Variants in ORC2 observed in about 807,000 individuals in gnomAD.
ORC2 encodes the protein origin recognition complex protein 2 homolog.
Under a neutral mutation model 77.7 loss-of-function variants are expected in ORC2, and 37 were observed. That is an observed-to-expected ratio of 0.48 (90% CI 0.37 to 0.63). The LOEUF (loss-of-function observed/expected upper bound fraction) is 0.63. Among genes scored for constraint, ORC2 ranks in the 20% least tolerant of loss-of-function variants. The pLI is 0.00. For missense variants in ORC2, 557 were observed against 661.9 expected (o/e 0.84, Z 1.74); for synonymous variants, 201 against 229.5 (o/e 0.88, Z 1.12).
chr2:200,914,757 T>C (rs554049141), intron 15 of ORC2, among the ~76,000 whole-genome samples: 1 of 152,080 alleles, frequency 6.6e-6, no homozygotes, highest in Non-Finnish European at 1.5e-5. Context: ...AAAAATAAAA[T>C]ATGAAAGTAT....
At chr2:200,962,387 T>A (rs532451312) in intron 1 of ORC2, among the ~76,000 whole-genome samples, 2 of 152,376 alleles carry the variant, frequency 1.3e-5, no homozygotes, top group East Asian at 3.9e-4. Context: ...AGATTTGCTG[T>A]AATTTTTAAA....
At chr2:200,915,532 T>C (rs2040632718) in intron 15 of ORC2, among the ~76,000 whole-genome samples, 1 of 152,172 alleles carries the variant, frequency 6.6e-6, no homozygotes. Flanking sequence ...AATTATTCCA[T>C]GGAAGAGTGA....
chr2:200,957,010 G>A (rs886803537), intron 4 of ORC2, among the ~76,000 whole-genome samples: 4 of 152,058 alleles, frequency 2.6e-5, no homozygotes, highest in Admixed American at 1.3e-4. Context: ...CACAGCCTGC[G>A]GGTGGGTGGA....
intron 7 of ORC2, among the ~76,000 whole-genome samples, chr2:200,940,199 T>C (rs1163893452): frequency 6.6e-6 from 1 of 152,218 alleles, no homozygotes; most frequent in Non-Finnish European, 1.5e-5. Context: ...ACAATGCATA[T>C]AGCATTCTTG....
At chr2:200,914,126 T>G in intron 15 of ORC2, 134 bp from the exon 16 acceptor site, 2 of 583,652 alleles carry the variant, frequency 3.4e-6, no homozygotes, top group Non-Finnish European at 6.0e-6. Flanking sequence ...CCAAGGAATA[T>G]CATATCCTTG....
rs1219090440 is a variant in ORC2 at position 200,935,091 on chromosome 2, A to AT, written c.708+607dup. 3.9e-5 allele frequency among the ~76,000 whole-genome samples: 6 copies of AT among 152,250 alleles called. No individual in the cohort carries two copies. In the East Asian group the frequency reaches 9.6e-4, roughly 24 times the overall value. ...TAAAAGTTCATTTTTTATTTTTGTT[A>AT]TTTTTTATTCTAATCCCATAGCTTA... On this transcript the variant is annotated intron_variant, in intron 9 of 17. Transcript: ENST00000234296.
At chr2:200,959,024 T>A (rs929796145) in intron 2 of ORC2, among the ~76,000 whole-genome samples, 3 of 152,232 alleles carry the variant, frequency 2.0e-5, no homozygotes, top group Non-Finnish European at 4.4e-5. Context: ...TCTCTTTTCT[T>A]TCTTTTTTTA....
chr2:200,920,969 G>T, intron 14 of ORC2, 24 bp downstream of exon 14: 1 of 1,492,346 alleles, frequency 6.7e-7, no homozygotes, highest in Non-Finnish European at 9.0e-7. Context: ...TCTCTAGAAG[G>T]AAAAATAGTA....
chr2:200,962,890 T>C (rs1175021966), intron 1 of ORC2, among the ~76,000 whole-genome samples: 1 of 152,202 alleles, frequency 6.6e-6, no homozygotes, highest in Non-Finnish European at 1.5e-5. Context: ...ATTAAAAAGC[T>C]CTACCAAAAG....
At chr2:200,916,204 TG>T (rs893455948) in intron 15 of ORC2, among the ~76,000 whole-genome samples, 2 of 152,130 alleles carry the variant, frequency 1.3e-5, no homozygotes, top group African/African-American at 4.8e-5. Context: ...TGCATTAGAC[TG>T]GGCATGGTGG....
At chr2:200,953,455 G>A (rs979311638) in intron 4 of ORC2, among the ~76,000 whole-genome samples, 3 of 151,118 alleles carry the variant, frequency 2.0e-5, no homozygotes, top group African/African-American at 4.9e-5. Context: ...TGGTAAGAAC[G>A]TGGAGAAATT....
At chr2:200,946,037 C>T (rs2041243885) in intron 5 of ORC2, among the ~76,000 whole-genome samples, 1 of 152,090 alleles carries the variant, frequency 6.6e-6, no homozygotes, top group African/African-American at 2.4e-5. Flanking sequence ...CTTTTGTTTA[C>T]ATTTATTTTC....
Position 200,911,327 on chromosome 2 carries a change from A to G in ORC2, c.1708T>C (p.Leu570=). ...PVDNGTLTDF[L]EKEEEEA Reference sequence around the variant, plus strand: ...CAAGCCTCCTCTTCTTCCTTTTCCAAGAAATCAGTCAATGTTCCATTATCA... The same window carrying G: ...CAAGCCTCCTCTTCTTCCTTTTCCAGGAAATCAGTCAATGTTCCATTATCA... Residue 570 remains leucine (L), a synonymous_variant, in exon 18 of 18, where the codon TTG becomes CTG. Coordinates refer to ENST00000234296, the MANE Select transcript of ORC2 (RefSeq NM_006190.5). 6.2e-7 allele frequency: 1 copy of G among 1,609,210 alleles called. No homozygotes were observed. Among genetic ancestry groups the G allele is most frequent in the Non-Finnish European group, 8.5e-7 (1 of 1,175,516 alleles).
intron 5 of ORC2, among the ~76,000 whole-genome samples, chr2:200,947,313 C>T (rs1298583266): frequency 1.3e-5 from 2 of 152,148 alleles, no homozygotes; most frequent in Non-Finnish European, 2.9e-5. Flanking sequence ...TTTAATGTTA[C>T]ACATTTTAGA....
chr2:200,911,108 G>C lies in ORC2; in HGVS notation c.*193C>G, dbSNP rs549202533. On this transcript the variant is annotated 3_prime_UTR_variant, in exon 18 of 18. Coordinates refer to ENST00000234296, the MANE Select transcript of ORC2 (RefSeq NM_006190.5). ...GCACATTTTCTCCAACTTGAGGACCGCTGCATAGTACTAGACGGTACCAGC... is the reference window on the plus strand; with the variant it reads ...GCACATTTTCTCCAACTTGAGGACCCCTGCATAGTACTAGACGGTACCAGC... 35 of 470,314 alleles carry C rather than the reference G, an allele frequency of 7.4e-5. 1 individual carries two copies. In the South Asian group the frequency reaches 1.2e-3, roughly 16 times the overall value. 29.1% of individuals were successfully genotyped at this position (470,314 alleles called of 1,614,324 possible). A position where few individuals can be genotyped will look rare whatever the true frequency, so the allele number is the denominator to read the frequency against.
intron 8 of ORC2, 68 bp downstream of exon 8, chr2:200,937,838 C>T: frequency 9.6e-7 from 1 of 1,043,204 alleles, no homozygotes; most frequent in Non-Finnish European, 1.5e-6. Flanking sequence ...AACCTATATA[C>T]TTAACTATTA....
At chr2:200,926,559 G>C (rs2040841573) in intron 12 of ORC2, among the ~76,000 whole-genome samples, 1 of 152,162 alleles carries the variant, frequency 6.6e-6, no homozygotes, top group African/African-American at 2.4e-5. Flanking sequence ...ATTTTCCTAA[G>C]TTTTAATACA....
At chr2:200,914,062 AAT>A in intron 15 of ORC2, 70 bp from the exon 16 acceptor site, 1 of 946,998 alleles carries the variant, frequency 1.1e-6, no homozygotes. Flanking sequence ...CTAATAGTAA[AAT>A]ACACAAAGAA....
At position 200,949,555 on chromosome 2, in the gene ORC2, T is replaced by C; in HGVS notation, c.327A>G (p.Leu109=). The C allele has an allele frequency of 1.3e-6, 2 of 1,526,834 alleles. No individual in the cohort carries two copies. The highest frequency in any genetic ancestry group is 1.8e-6 in the Non-Finnish European group (2 of 1,103,604). The allele number at this position is 1,526,834 out of a possible 1,614,324, so 94.6% of individuals were successfully genotyped here. The change falls in exon 5 of 18, where the codon TTA becomes TTG. Residue 109 remains leucine, a splice_region_variant and synonymous_variant. Transcript: ENST00000234296. The part of the protein sequence containing the change: ...NRKHSEKMAK[L]ASELAKTPQK... ...ATAGAAATCAGAAAAGCAACATACC[T>C]AATTTAGCCATCTTTTCAGAGTGTT...
Sources: allele counts gnomAD v4.1 joint callset (sites outside exome capture counted in the v4.1 genomes callset), GRCh38; gene constraint gnomAD v4.1.1; transcripts MANE v1.5; gene names NCBI Gene and HGNC (gene_info 2026-07-23, HGNC 2026-07-21).